Variants in ECT2 observed in about 807,000 individuals in gnomAD.
ECT2 encodes the protein protein ECT2.
ECT2 carries 61 observed loss-of-function variants against 116.9 expected under a neutral mutation model. The ratio of observed to expected loss-of-function variants is 0.52; its 90% CI spans 0.42 to 0.65. ECT2 has a LOEUF of 0.65. Ranked by LOEUF, ECT2 falls within the 30% of genes least tolerant of loss-of-function variation. ECT2 has a pLI of 0.00. For synonymous variants in ECT2, 358 were observed against 346.4 expected (o/e 1.03, Z -0.37); for missense variants, 937 against 1,078.7 (o/e 0.87, Z 1.84).
In ECT2 at chr3:172,764,508, A is replaced by C. The variant is rs376107523; in HGVS notation, c.1291+8A>C. On this transcript the variant is annotated splice_region_variant and intron_variant, in intron 12 of 24. Coordinates refer to ENST00000392692, the MANE Select transcript of ECT2 (RefSeq NM_001258315.2). ...CTAGCATTAACTATGGAGGTAATTCACATTCTTAAAAACTTGTCTTTAAAG... is the reference window on the plus strand; with the variant it reads ...CTAGCATTAACTATGGAGGTAATTCCCATTCTTAAAAACTTGTCTTTAAAG... 1.7e-5 allele frequency: 27 copies of C among 1,608,478 alleles called. No individual in the cohort carries two copies. Among genetic ancestry groups the C allele is most frequent in the Admixed American group, 6.7e-5 (4 of 59,900 alleles).
rs776881663 is a variant in ECT2 at position 172,761,634 on chromosome 3, A to G, written c.709A>G (p.Ile237Val). The change falls in exon 8 of 25, where the codon ATT becomes GTT. Residue 237 changes from isoleucine (I) to valine (V), a missense_variant. Coordinates refer to ENST00000392692, the MANE Select transcript of ECT2 (RefSeq NM_001258315.2). Reference sequence around the variant, plus strand: ...GGTTGCTGTGAGTCTAGGTACTCCAATTATGAAGCCAGAATGGATTTATAA... The same window carrying G: ...GGTTGCTGTGAGTCTAGGTACTCCAGTTATGAAGCCAGAATGGATTTATAA... The part of the protein sequence containing the change: ...FRVAVSLGTP[I>V]MKPEWIYKAW... The G allele has an allele frequency of 5.6e-6, 9 of 1,611,612 alleles. No homozygotes were observed. Among genetic ancestry groups the G allele is most frequent in the East Asian group, 4.5e-5 (2 of 44,716 alleles).
rs1318618750 is a variant in ECT2 at position 172,802,882 on chromosome 3, C to T, written c.2008C>T (p.Arg670Ter). The T allele has an allele frequency of 6.2e-6, 10 of 1,612,618 alleles. No individual in the cohort carries two copies. The highest frequency in any genetic ancestry group is 2.2e-5 in the East Asian group (1 of 44,724). The change falls in exon 20 of 25, where the codon CGA becomes TGA. Residue 670 changes from arginine (R) to a stop codon, truncating the protein, a stop_gained. Transcript: ENST00000392692. LOFTEE classifies it high-confidence loss of function. ...GCPANLLSSH[R>*]SLVQRVETIS... The stretch of plus-strand genomic sequence containing the variant: ...ACAGGCTAATCTTTTATCTTCTCAC[C>T]GAAGCTTAGTACAGCGGGTTGAAAC...
chr3:172,759,644 C>G (rs566193571), intron 6 of ECT2, among the ~76,000 whole-genome samples: 1 of 152,106 alleles, frequency 6.6e-6, no homozygotes, highest in East Asian at 1.9e-4. Flanking sequence ...TGGGGTTTCA[C>G]CGTGTTAGCC....
At chr3:172,752,118 A>G (rs538173214) in intron 1 of ECT2, 2 of 151,748 alleles carry the variant, frequency 1.3e-5, no homozygotes, top group African/African-American at 4.8e-5. Context: ...AAAAATGTAA[A>G]TATTTTCAAG....
In ECT2 at chr3:172,778,179, A is replaced by T. The variant is rs139153041; in HGVS notation, c.1549-3984A>T. ...CTTTCTTAAGCCCCATCTGTTTATGACTTCCCCACTTATCTAATATTCTTG... is the reference window on the plus strand; with the variant it reads ...CTTTCTTAAGCCCCATCTGTTTATGTCTTCCCCACTTATCTAATATTCTTG... On this transcript the variant is annotated intron_variant, in intron 14 of 24. Coordinates refer to ENST00000392692, the MANE Select transcript of ECT2 (RefSeq NM_001258315.2). 2.3e-3 allele frequency among the ~76,000 whole-genome samples: 350 copies of T among 152,324 alleles called. 2 individuals carry two copies. Among genetic ancestry groups the T allele is most frequent in the African/African-American group, 8.1e-3 (335 of 41,568 alleles).
intron 18 of ECT2, among the ~76,000 whole-genome samples, chr3:172,800,891 C>T (rs1354801676): frequency 2.0e-5 from 3 of 152,112 alleles, no homozygotes; most frequent in Non-Finnish European, 4.4e-5. Context: ...AGAACAGTTA[C>T]AGATACAATC....
intron 5 of ECT2, among the ~76,000 whole-genome samples, chr3:172,757,925 C>G (rs1203252340): frequency 1.3e-5 from 2 of 151,944 alleles, no homozygotes; most frequent in African/African-American, 4.8e-5. Context: ...TACACGATCT[C>G]TGCTCACTGC....
At chr3:172,767,724 A>ATTTTTTTTTTT (rs1202819421) in intron 12 of ECT2, among the ~76,000 whole-genome samples, 7,664 of 148,000 alleles carry the variant, frequency 0.052, 753 homozygotes, top group African/African-American at 0.19. Context: ...ATGTGTATAG[A>ATTTTTTTTTTT]TTTTTTTTTT....
At chr3:172,756,926 A>G in intron 4 of ECT2, 57 bp from the exon 5 acceptor site, 1 of 1,405,414 alleles carries the variant, frequency 7.1e-7, no homozygotes, top group Non-Finnish European at 9.7e-7. Flanking sequence ...TTAGAGAGAC[A>G]GATGGATTAT....
Position 172,755,330 on chromosome 3 carries a change from G to A in ECT2, c.166G>A (p.Val56Ile), listed in dbSNP as rs946610078. The A allele has an allele frequency of 6.2e-7, 1 of 1,605,478 alleles. No homozygotes were observed. The highest frequency in any genetic ancestry group is 1.3e-5 in the African/African-American group (1 of 74,130). The change falls in exon 3 of 25, where the codon GTT becomes ATT. Residue 56 changes from valine to isoleucine, a missense_variant. Coordinates refer to ENST00000392692, the MANE Select transcript of ECT2 (RefSeq NM_001258315.2). ...MPQIETRVIL[V>I]QEAGKQEELI... The stretch of plus-strand genomic sequence containing the variant: ...TCAGATTGAAACAAGAGTGATATTG[G>A]TTCAAGAAGCTGGAAAACAAGAAGA...
At chr3:172,794,304 T>C (rs1480664092) in intron 18 of ECT2, among the ~76,000 whole-genome samples, 1 of 152,222 alleles carries the variant, frequency 6.6e-6, no homozygotes, top group Admixed American at 6.5e-5. Context: ...TAGATTGAAG[T>C]TCATTTTTTA....
intron 18 of ECT2, among the ~76,000 whole-genome samples, chr3:172,802,163 G>T (rs1177545992): frequency 6.6e-6 from 1 of 152,036 alleles, no homozygotes; most frequent in African/African-American, 2.4e-5. Context: ...TGCCTAGACT[G>T]GAGTGGAATG....
chr3:172,791,175 A>G (rs775909251), intron 18 of ECT2, among the ~76,000 whole-genome samples: 1 of 152,196 alleles, frequency 6.6e-6, no homozygotes, highest in African/African-American at 2.4e-5. Flanking sequence ...TTAGTAAACC[A>G]TGGTGATGTG....
rs185366719 is a variant in ECT2 at position 172,794,567 on chromosome 3, A to C, written c.1907+7993A>C. Among the ~76,000 whole-genome samples, 469 of 152,266 alleles carry C rather than the reference A, an allele frequency of 3.1e-3. 4 individuals are homozygous for C. The highest frequency in any genetic ancestry group is 6.9e-3 in the Admixed American group (105 of 15,284). On this transcript the variant is annotated intron_variant, in intron 18 of 24. Transcript: ENST00000392692. ...GTTCTTTTTCAAAATTGGTTTCACT[A>C]TTCTGAGTTCCATAAATTTGGCATG...
intron 24 of ECT2, among the ~76,000 whole-genome samples, chr3:172,817,095 A>G (rs1729857596): frequency 6.6e-6 from 1 of 152,060 alleles, no homozygotes; most frequent in Non-Finnish European, 1.5e-5. Flanking sequence ...TGCATTTCAG[A>G]CTGGCTGTGT....
chr3:172,818,350 T>G, intron 24 of ECT2: 1 of 199,762 alleles, frequency 5.0e-6, no homozygotes, highest in South Asian at 1.5e-4. Flanking sequence ...AGATTATAGC[T>G]TTCTCGAAGC....
chr3:172,798,317 C>G (rs745897556), intron 18 of ECT2, among the ~76,000 whole-genome samples: 10 of 152,094 alleles, frequency 6.6e-5, no homozygotes, highest in Non-Finnish European at 1.5e-4. Flanking sequence ...CTTTCACCAG[C>G]TTTTTAAACT....
intron 7 of ECT2, 77 bp from the exon 8 acceptor site, chr3:172,761,533 A>C: frequency 1.0e-6 from 1 of 967,566 alleles, no homozygotes; most frequent in Non-Finnish European, 1.6e-6. Context: ...GCAAAAAATT[A>C]AGTATGTTAA....
At chr3:172,802,123 G>T (rs1348687713) in intron 18 of ECT2, among the ~76,000 whole-genome samples, 3 of 149,430 alleles carry the variant, frequency 2.0e-5, no homozygotes, top group Admixed American at 1.3e-4. Context: ...TTTTGTTTTT[G>T]TTTTTTTTGA....
Sources: gnomAD v4.1 joint callset for allele counts (sites outside exome capture counted in the v4.1 genomes callset) on GRCh38, gnomAD v4.1.1 for gene constraint, MANE v1.5 for transcripts, NCBI Gene and HGNC (gene_info 2026-07-23, HGNC 2026-07-21) for gene names.